Variants in DGKI observed in about 807,000 individuals in gnomAD.
DGKI encodes DAG kinase iota.
Under a neutral mutation model 147.5 loss-of-function variants are expected in DGKI, and 55 were observed. That is an observed-to-expected ratio of 0.37 (90% CI 0.30 to 0.47). The LOEUF is 0.47. DGKI is among the 20% of genes least tolerant of loss of function. DGKI has a pLI of 1.00. For missense variants in DGKI, 1,007 were observed against 1,323.8 expected, an observed-to-expected ratio of 0.76 and a Z score of 3.71; for synonymous variants, 469 against 477.1, an observed-to-expected ratio of 0.98 and a Z score of 0.22.
intron 21 of DGKI, among the ~76,000 whole-genome samples, chr7:137,512,888 G>A (rs143400307): frequency 8.3e-4 from 126 of 152,128 alleles, no homozygotes; most frequent in African/African-American, 2.8e-3. Flanking sequence ...AATATTCCCC[G>A]GGTATCAGAG....
rs1798746504 is a variant in DGKI, at chr7:137,846,665, C to G, written c.198G>C (p.Thr66=). ...CGCTTCCGCTGCTGCTGCTGCCGCC[C>G]GTCGCCCCTTTCTCCTCTCCCGCCG... ...SSSAGEEKGA[T]GGSSSSGSGA... The change falls in exon 1 of 33, where the codon ACG becomes ACC. Residue 66 remains threonine, a synonymous_variant. Coordinates refer to ENST00000614521, the MANE Select transcript of DGKI (RefSeq NM_001321708.2). The surrounding 1 kb of genome is among the most constrained non-coding windows in gnomAD (Gnocchi z 4.0). 1.9e-6 allele frequency: 2 copies of G among 1,073,116 alleles called. No individual in the cohort carries two copies. The highest frequency in any genetic ancestry group is 3.2e-5 in the South Asian group (1 of 31,636). 66.5% of individuals were successfully genotyped at this position (1,073,116 alleles called of 1,614,324 possible). A position where few individuals can be genotyped will look rare whatever the true frequency, so the allele number is the denominator to read the frequency against.
intron 17 of DGKI, among the ~76,000 whole-genome samples, chr7:137,575,124 A>C (rs1479778659): frequency 2.6e-5 from 4 of 152,234 alleles, no homozygotes; most frequent in Non-Finnish European, 5.9e-5. Flanking sequence ...AGATGAAGAA[A>C]GCAAACTCCT....
chr7:137,689,290 G>A (rs1407318529), intron 2 of DGKI, among the ~76,000 whole-genome samples: 2 of 152,168 alleles, frequency 1.3e-5, no homozygotes. Context: ...CCAAGAACTC[G>A]ACTCACTGAA....
chr7:137,431,119 C>T (rs866394964), intron 28 of DGKI, among the ~76,000 whole-genome samples: 2 of 152,014 alleles, frequency 1.3e-5, no homozygotes, highest in African/African-American at 4.8e-5. Flanking sequence ...TTTTTGACAA[C>T]AGGAAAAAGC....
intron 27 of DGKI, among the ~76,000 whole-genome samples, chr7:137,446,276 GATAAAAT>G (rs1288133711): frequency 6.6e-6 from 1 of 152,208 alleles, no homozygotes; most frequent in African/African-American, 2.4e-5. Context: ...CCAGGCAGTG[GATAAAAT>G]ATCAATTTCA....
At chr7:137,645,432 G>C in intron 6 of DGKI, 40 bp downstream of exon 6, 1 of 1,587,218 alleles carries the variant, frequency 6.3e-7, no homozygotes, top group South Asian at 1.1e-5. Flanking sequence ...CAGAGGCCTG[G>C]GGAGCCTCCT....
intron 20 of DGKI, among the ~76,000 whole-genome samples, chr7:137,529,346 A>C (rs564168264): frequency 5.3e-5 from 8 of 152,170 alleles, no homozygotes; most frequent in African/African-American, 1.7e-4. Flanking sequence ...AAATAAAAAA[A>C]ATCTATGCTT....
At position 137,661,413 on chromosome 7, in the gene DGKI, A is replaced by C. The variant is rs541334130; in HGVS notation, c.607-4873T>G. ...AGTGAGCAAAGGGATGACAGCCAGG[A>C]AAGGGGCTTCAGGCAGAAACCAACA... On this transcript the variant is annotated intron_variant, in intron 3 of 32. Coordinates refer to ENST00000614521, the MANE Select transcript of DGKI (RefSeq NM_001321708.2). 2.0e-5 allele frequency among the ~76,000 whole-genome samples: 3 copies of C among 152,236 alleles called. No individual in the cohort carries two copies. In the East Asian group the frequency reaches 5.8e-4, roughly 29 times the overall value.
chr7:137,574,412 A>G (rs1277741288), intron 17 of DGKI, among the ~76,000 whole-genome samples: 5 of 152,242 alleles, frequency 3.3e-5, no homozygotes, highest in African/African-American at 1.2e-4. Context: ...TGCATGTTAT[A>G]AGCAACTAAA....
intron 23 of DGKI, among the ~76,000 whole-genome samples, chr7:137,471,667 A>G (rs1416550756): frequency 6.6e-6 from 1 of 152,076 alleles, no homozygotes; most frequent in African/African-American, 2.4e-5. Flanking sequence ...ACCGAACAAA[A>G]GGATGCATCT....
At chr7:137,718,188 C>T (rs1482398960) in intron 1 of DGKI, among the ~76,000 whole-genome samples, 3 of 152,138 alleles carry the variant, frequency 2.0e-5, no homozygotes, top group Admixed American at 6.5e-5. Flanking sequence ...TCCACTTTGT[C>T]GGACAGCATG....
At chr7:137,805,775 G>A (rs1797346602) in intron 1 of DGKI, among the ~76,000 whole-genome samples, 1 of 152,136 alleles carries the variant, frequency 6.6e-6, no homozygotes, top group Non-Finnish European at 1.5e-5. Flanking sequence ...TCTTAGAACT[G>A]AATAATTGGA....
chr7:137,599,027 T>C (rs1268191480), intron 11 of DGKI, among the ~76,000 whole-genome samples: 1 of 152,206 alleles, frequency 6.6e-6, no homozygotes, highest in Non-Finnish European at 1.5e-5. Flanking sequence ...AGAATACTAT[T>C]TCTCTAGAAA....
intron 1 of DGKI, among the ~76,000 whole-genome samples, chr7:137,754,278 CCT>C (rs1046387195): frequency 3.3e-5 from 5 of 152,160 alleles, no homozygotes; most frequent in Admixed American, 2.6e-4. Flanking sequence ...ACATCCACCC[CCT>C]GTCCCCAGGA....
rs1448305317 is a variant in DGKI at position 137,529,818 on chromosome 7, C to T, written c.2148-7852G>A. ...AGGCTGGAGTGCAATGGCACGATCT[C>T]GGCTCTCTGCAACCTCTGCCTCCTG... On this transcript the variant is annotated intron_variant, in intron 20 of 32. Transcript: ENST00000614521. 5.3e-5 allele frequency among the ~76,000 whole-genome samples: 8 copies of T among 152,146 alleles called. No individual in the cohort carries two copies. In the East Asian group the frequency reaches 7.7e-4, roughly 15 times the overall value.
At chr7:137,630,475 C>G (rs1029446415) in intron 6 of DGKI, among the ~76,000 whole-genome samples, 1 of 152,142 alleles carries the variant, frequency 6.6e-6, no homozygotes, top group African/African-American at 2.4e-5. Context: ...ATTTAAGGCA[C>G]AAGATTCTCA....
rs1003463969 is a variant in DGKI at position 137,401,349 on chromosome 7, T to A, written c.2921-3936A>T. On this transcript the variant is annotated intron_variant, in intron 30 of 32. Coordinates refer to ENST00000614521, the MANE Select transcript of DGKI (RefSeq NM_001321708.2). ...GAATTCAAGAGCAGCCTGGGTAACATAGCAAGACCCCAACTCTACAAAAAA... is the reference window on the plus strand; with the variant it reads ...GAATTCAAGAGCAGCCTGGGTAACAAAGCAAGACCCCAACTCTACAAAAAA... Among the ~76,000 whole-genome samples, 7 of 149,942 alleles carry A rather than the reference T, an allele frequency of 4.7e-5. No homozygotes were observed. In the East Asian group the frequency reaches 9.9e-4, roughly 21 times the overall value.
intron 1 of DGKI, among the ~76,000 whole-genome samples, chr7:137,790,965 T>C (rs1231144535): frequency 6.6e-6 from 1 of 152,218 alleles, no homozygotes; most frequent in Non-Finnish European, 1.5e-5. Context: ...TCAGTGTTGC[T>C]ACAGTCCAAA....
intron 1 of DGKI, among the ~76,000 whole-genome samples, chr7:137,792,747 G>A (rs1037151796): frequency 1.3e-5 from 2 of 152,138 alleles, no homozygotes; most frequent in Non-Finnish European, 2.9e-5. Context: ...AGTTCACATG[G>A]GAGCTGGTTG....
Sources: allele counts gnomAD v4.1 joint callset (sites outside exome capture counted in the v4.1 genomes callset), GRCh38; gene constraint gnomAD v4.1.1; non-coding constraint Gnocchi (gnomAD v3.1); transcripts MANE v1.5; gene names NCBI Gene and HGNC (gene_info 2026-07-23, HGNC 2026-07-21).